Variants in STK35 observed in about 807,000 individuals in gnomAD.
STK35 encodes the protein serine/threonine-protein kinase 35.
Under a neutral mutation model 37.3 loss-of-function variants are expected in STK35, and 17 were observed. The ratio of observed to expected loss-of-function variants is 0.46; its 90% CI spans 0.31 to 0.68. The LOEUF (loss-of-function observed/expected upper bound fraction) is 0.68, where lower values mean the gene tolerates loss of function less well. Among genes scored for constraint, STK35 ranks in the 30% least tolerant of loss-of-function variants. The pLI is 0.05. For missense variants in STK35, 595 were observed against 746.7 expected (o/e 0.80, Z 2.37); for synonymous variants, 385 against 319.1 (o/e 1.21, Z -2.20).
Position 2,144,223 on chromosome 20 carries a change from A to C in STK35, c.*477A>C. On this transcript the variant is annotated 3_prime_UTR_variant, in exon 4 of 4. Transcript: ENST00000381482. The stretch of plus-strand genomic sequence containing the variant: ...TTCCCTAGAGAAGGCCTGCCTCCCC[A>C]TAGGGAATCTGGGGGTTTCTTCTGG... The C allele has an allele frequency of 3.8e-6, 1 of 259,946 alleles. No individual in the cohort carries two copies. Among genetic ancestry groups the C allele is most frequent in the Non-Finnish European group, 7.4e-6 (1 of 134,714 alleles). 16.1% of individuals were successfully genotyped at this position (259,946 alleles called of 1,614,324 possible). A position where few individuals can be genotyped will look rare whatever the true frequency, so the allele number is the denominator to read the frequency against.
At chr20:2,134,132 C>T (rs966601644) in intron 3 of STK35, among the ~76,000 whole-genome samples, 2 of 151,976 alleles carry the variant, frequency 1.3e-5, no homozygotes, top group Non-Finnish European at 2.9e-5. Flanking sequence ...TGGTGGTGCA[C>T]ACCTGTAATC....
At chr20:2,119,050 C>G (rs1258702180) in intron 3 of STK35, among the ~76,000 whole-genome samples, 1 of 152,192 alleles carries the variant, frequency 6.6e-6, no homozygotes, top group South Asian at 2.1e-4. Context: ...CATGATAAGC[C>G]AAATCAGAGA....
chr20:2,106,987 A>G (rs962687771), intron 2 of STK35, among the ~76,000 whole-genome samples: 3 of 152,194 alleles, frequency 2.0e-5, no homozygotes, highest in African/African-American at 7.2e-5. Flanking sequence ...TTAAAACCAC[A>G]TTTACAATCC....
intron 3 of STK35, among the ~76,000 whole-genome samples, chr20:2,142,225 G>A (rs1425761506): frequency 6.6e-6 from 1 of 152,142 alleles, no homozygotes; most frequent in Non-Finnish European, 1.5e-5. Context: ...CCCTGCTGTG[G>A]GCCAGGAACC....
At chr20:2,116,633 C>A in intron 2 of STK35, 33 bp from the exon 3 acceptor site, 3 of 1,589,512 alleles carry the variant, frequency 1.9e-6, no homozygotes, top group Non-Finnish European at 2.6e-6. Flanking sequence ...GTGTCCATCT[C>A]ACTCAAGCTC....
At chr20:2,103,737 C>A (rs1985457201) in intron 2 of STK35, among the ~76,000 whole-genome samples, 1 of 152,098 alleles carries the variant, frequency 6.6e-6, no homozygotes, top group Non-Finnish European at 1.5e-5. Flanking sequence ...TCCTCACCCC[C>A]GAGGGCCTCT....
chr20:2,135,862 A>G (rs1243185258), intron 3 of STK35, among the ~76,000 whole-genome samples: 1 of 152,190 alleles, frequency 6.6e-6, no homozygotes, highest in African/African-American at 2.4e-5. Flanking sequence ...TTAGCTGGGC[A>G]CAGTGGCATG....
chr20:2,129,770 G>C (rs1240918516), intron 3 of STK35, among the ~76,000 whole-genome samples: 1 of 152,130 alleles, frequency 6.6e-6, no homozygotes, highest in Non-Finnish European at 1.5e-5. Context: ...CTGAGGAGGT[G>C]GCATTGAAGC....
At chr20:2,114,080 G>A (rs564349059) in intron 2 of STK35, among the ~76,000 whole-genome samples, 7 of 152,164 alleles carry the variant, frequency 4.6e-5, no homozygotes, top group African/African-American at 1.4e-4. Context: ...CATCATCCAC[G>A]TCGCCTCCTT....
Position 2,143,974 on chromosome 20 carries a change from C to G in STK35, c.*228C>G, listed in dbSNP as rs980600714. Reference sequence around the variant, plus strand: ...TTTTCTTTTCTTTTTTTTTTTTCCTCTTTCCTTTTTTTAAATTTAAACCAT... The same window carrying G: ...TTTTCTTTTCTTTTTTTTTTTTCCTGTTTCCTTTTTTTAAATTTAAACCAT... On this transcript the variant is annotated 3_prime_UTR_variant, in exon 4 of 4. Coordinates refer to ENST00000381482, the MANE Select transcript of STK35 (RefSeq NM_080836.4). The G allele has an allele frequency of 3.1e-6, 1 of 326,864 alleles. No homozygotes were observed. The highest frequency in any genetic ancestry group is 2.5e-5 in the South Asian group (1 of 39,280). 20.2% of individuals were successfully genotyped at this position (326,864 alleles called of 1,614,324 possible).
intron 2 of STK35, among the ~76,000 whole-genome samples, chr20:2,106,582 G>A (rs1410348537): frequency 5.9e-5 from 9 of 152,224 alleles, no homozygotes; most frequent in Non-Finnish European, 1.0e-4. Flanking sequence ...CAAGAATTAA[G>A]AGGAAAGAGA....
At chr20:2,138,221 G>A (rs1211919422) in intron 3 of STK35, among the ~76,000 whole-genome samples, 1 of 152,182 alleles carries the variant, frequency 6.6e-6, no homozygotes, top group African/African-American at 2.4e-5. Flanking sequence ...TAGTCTATGA[G>A]TATGCCAATG....
chr20:2,128,224 G>A (rs953257367), intron 3 of STK35, among the ~76,000 whole-genome samples: 2 of 152,178 alleles, frequency 1.3e-5, no homozygotes, highest in Non-Finnish European at 2.9e-5. Context: ...GCAAAAGAGG[G>A]TAAATGTGCA....
chr20:2,145,127 C>G lies in STK35; in HGVS notation c.*1381C>G, dbSNP rs1229129081. ...TCTGCTGCAGCCATCCTTGCACTCT[C>G]CAGCGACACTCTCGCACCTCCCTAG... On this transcript the variant is annotated 3_prime_UTR_variant, in exon 4 of 4. Transcript: ENST00000381482. 1 of 152,386 alleles carries G rather than the reference C, an allele frequency of 6.6e-6. No individual in the cohort carries two copies. Among genetic ancestry groups the G allele is most frequent in the African/African-American group, 2.4e-5 (1 of 41,418 alleles). The allele number at this position is 152,386 out of a possible 1,614,324, so 9.4% of individuals were successfully genotyped here. A position where few individuals can be genotyped will look rare whatever the true frequency, so the allele number is the denominator to read the frequency against.
chr20:2,129,153 T>C (rs1985956135), intron 3 of STK35, among the ~76,000 whole-genome samples: 1 of 152,192 alleles, frequency 6.6e-6, no homozygotes, highest in Admixed American at 6.5e-5. Context: ...TGACTTTGAA[T>C]TGTGACTAGC....
intron 3 of STK35, among the ~76,000 whole-genome samples, chr20:2,130,876 C>G (rs902818687): frequency 6.9e-6 from 1 of 145,594 alleles, no homozygotes; most frequent in Non-Finnish European, 1.5e-5. Context: ...CATCCCGTCA[C>G]ACCGTGGTTT....
rs568751049 is a variant in STK35 at position 2,127,202 on chromosome 20, T to G, written c.*37+9787T>G. Among the ~76,000 whole-genome samples the G allele has an allele frequency of 9.2e-5, 14 of 152,276 alleles. No individual in the cohort carries two copies. In the South Asian group the frequency reaches 2.7e-3, roughly 29 times the overall value. On this transcript the variant is annotated intron_variant, in intron 3 of 3. Coordinates refer to ENST00000381482, the MANE Select transcript of STK35 (RefSeq NM_080836.4). ...GTGAACCAGTTGACTCATTCTGCATTTACTTCCATCTTTGTGGGGAAAGAA... is the reference window on the plus strand; with the variant it reads ...GTGAACCAGTTGACTCATTCTGCATGTACTTCCATCTTTGTGGGGAAAGAA...
intron 3 of STK35, among the ~76,000 whole-genome samples, chr20:2,118,354 G>A (rs1985756040): frequency 6.6e-6 from 1 of 152,100 alleles, no homozygotes; most frequent in Non-Finnish European, 1.5e-5. Context: ...TCCAAGGTGG[G>A]CGGATCACGA....
chr20:2,102,964 T>C lies in STK35; in HGVS notation c.491T>C (p.Leu164Pro). Residue 164 changes from leucine (L) to proline (P), a missense_variant, in exon 2 of 4, where the codon CTG (leucine) becomes CCG (proline). Leu to Pro is a moderately conservative substitution (Grantham distance 98). Coordinates refer to ENST00000381482, the MANE Select transcript of STK35 (RefSeq NM_080836.4). Reference protein sequence around the residue: ...SPVPRAPSTKLRPAAAARAMD... With the variant: ...SPVPRAPSTKPRPAAAARAMD... Reference sequence around the variant, plus strand: ...GTGCCGCGGGCGCCCAGCACGAAGCTGAGGCCGGCGGCGGCGGCCCGGGCC... The same window carrying C: ...GTGCCGCGGGCGCCCAGCACGAAGCCGAGGCCGGCGGCGGCGGCCCGGGCC... 6.9e-7 allele frequency: 1 copy of C among 1,445,798 alleles called. No individual in the cohort carries two copies. The allele number at this position is 1,445,798 out of a possible 1,614,324, so 89.6% of individuals were successfully genotyped here. A position where few individuals can be genotyped will look rare whatever the true frequency, so the allele number is the denominator to read the frequency against.
Sources: allele counts gnomAD v4.1 joint callset (sites outside exome capture counted in the v4.1 genomes callset), GRCh38; gene constraint gnomAD v4.1.1; transcripts MANE v1.5; gene names NCBI Gene and HGNC (gene_info 2026-07-23, HGNC 2026-07-21).